SOX5: variants seen among roughly 807,000 people sequenced by gnomAD.
SOX5 encodes SRY-box transcription factor 5.
Under a neutral mutation model 92.0 loss-of-function variants are expected in SOX5, and 9 were observed. The ratio of observed to expected loss-of-function variants is 0.10; its 90% CI spans 0.06 to 0.17. The LOEUF is 0.17. SOX5 is among the 10% of genes least tolerant of loss of function. The pLI is 1.00. For missense variants in SOX5, 642 were observed against 944.5 expected, an observed-to-expected ratio of 0.68 and a Z score of 4.20; for synonymous variants, 344 against 336.3, an observed-to-expected ratio of 1.02 and a Z score of -0.25.
At chr12:23,729,619 C>A (rs896733788) in intron 6 of SOX5, among the ~76,000 whole-genome samples, 42 of 152,122 alleles carry the variant, frequency 2.8e-4, no homozygotes, top group African/African-American at 9.2e-4. Context: ...AATACTAATT[C>A]TTTGCTTGCA....
At chr12:23,812,602 A>C (rs2095896908) in intron 3 of SOX5, among the ~76,000 whole-genome samples, 1 of 152,182 alleles carries the variant, frequency 6.6e-6, no homozygotes, top group African/African-American at 2.4e-5. Flanking sequence ...GGCCAAACCA[A>C]CCAGGAGAAT....
At chr12:23,625,028 A>C (rs1279806445) in intron 8 of SOX5, among the ~76,000 whole-genome samples, 2 of 146,032 alleles carry the variant, frequency 1.4e-5, no homozygotes, top group Admixed American at 6.8e-5. Flanking sequence ...GCGTATAAAG[A>C]ATGAATAGCA....
intron 1 of SOX5, among the ~76,000 whole-genome samples, chr12:24,473,423 A>T (rs898600995): frequency 6.6e-6 from 1 of 152,226 alleles, no homozygotes; most frequent in African/African-American, 2.4e-5. Context: ...GCCAGCTCTC[A>T]TGCCACTTGT....
At chr12:24,350,597 GC>G (rs1330269270) in intron 2 of SOX5, among the ~76,000 whole-genome samples, 3 of 152,108 alleles carry the variant, frequency 2.0e-5, no homozygotes, top group African/African-American at 7.2e-5. Flanking sequence ...TCCTGCTTTG[GC>G]CTCCCTTAGT....
At chr12:24,188,124 T>C (rs1374467793) in intron 4 of SOX5, among the ~76,000 whole-genome samples, 1 of 152,096 alleles carries the variant, frequency 6.6e-6, no homozygotes, top group East Asian at 1.9e-4. Flanking sequence ...AAGCTGGGAG[T>C]GAACAAAGTC....
At chr12:23,918,841 C>T (rs1387881328) in intron 1 of SOX5, among the ~76,000 whole-genome samples, 1 of 151,370 alleles carries the variant, frequency 6.6e-6, no homozygotes, top group African/African-American at 2.4e-5. Flanking sequence ...CACTGGAACC[C>T]GGGAGGTGGA....
chr12:23,989,909 T>G (rs1950404087), intron 4 of SOX5, among the ~76,000 whole-genome samples: 1 of 152,064 alleles, frequency 6.6e-6, no homozygotes, highest in South Asian at 2.1e-4. Flanking sequence ...TAAAATACAA[T>G]CAGAAGTACC....
At chr12:24,062,795 C>T (rs1939985907) in intron 4 of SOX5, among the ~76,000 whole-genome samples, 1 of 152,218 alleles carries the variant, frequency 6.6e-6, no homozygotes, top group African/African-American at 2.4e-5. Flanking sequence ...AGATGGGATG[C>T]TGCCAATCTT....
At chr12:23,683,679 T>C (rs1034297602) in intron 6 of SOX5, among the ~76,000 whole-genome samples, 23 of 151,978 alleles carry the variant, frequency 1.5e-4, no homozygotes, top group African/African-American at 5.6e-4. Flanking sequence ...TACACATTGA[T>C]CAGCAATAGA....
Position 23,627,386 on chromosome 12 carries a change from C to T in SOX5, c.1017+13426G>A, listed in dbSNP as rs530414740. ...GACTTGGCTTCCAAAGGTGTTCAAC[C>T]GAAACTTGAATTAAGATGAATTTCT... is the stretch of plus-strand genomic sequence containing the variant. On this transcript the variant is annotated intron_variant, in intron 8 of 14. Transcript: ENST00000451604. Among the ~76,000 whole-genome samples, 8 of 152,120 alleles carry T rather than the reference C, an allele frequency of 5.3e-5. 1 individual carries two copies. In the South Asian group the frequency reaches 1.2e-3, roughly 24 times the overall value.
chr12:24,510,016 T>A (rs1949160065), intron 1 of SOX5, among the ~76,000 whole-genome samples: 1 of 152,230 alleles, frequency 6.6e-6, no homozygotes, highest in Non-Finnish European at 1.5e-5. Flanking sequence ...TAATCTGTAT[T>A]AAGGGCTTCA....
At chr12:24,310,366 G>A (rs1488053057) in intron 2 of SOX5, among the ~76,000 whole-genome samples, 1 of 152,096 alleles carries the variant, frequency 6.6e-6, no homozygotes, top group African/African-American at 2.4e-5. Flanking sequence ...CCTAAACCAT[G>A]TCATTATTCC....
At chr12:23,581,592 C>T (rs1329640735) in intron 9 of SOX5, among the ~76,000 whole-genome samples, 1 of 152,036 alleles carries the variant, frequency 6.6e-6, no homozygotes, top group Non-Finnish European at 1.5e-5. Flanking sequence ...TCCATACATT[C>T]ATCCATATCT....
At chr12:24,465,049 G>A (rs541458192) in intron 1 of SOX5, among the ~76,000 whole-genome samples, 25 of 152,320 alleles carry the variant, frequency 1.6e-4, no homozygotes, top group South Asian at 1.0e-3. Flanking sequence ...TGACAATGAT[G>A]TTATCTACCA....
At chr12:24,320,871 A>AAAAAAT (rs1212859434) in intron 2 of SOX5, among the ~76,000 whole-genome samples, 11 of 148,224 alleles carry the variant, frequency 7.4e-5, no homozygotes, top group Admixed American at 2.7e-4. Context: ...TCTCAAAAAA[A>AAAAAAT]AATAATAATA....
rs118067475 is a variant in SOX5, at chr12:24,132,302, C to T, written c.-2+81041G>A. ...GTGTGCAACTGGTAAGTAAATCATT[C>T]GAACACCCTGGGAAGAGCAAAGCTT... is the stretch of plus-strand genomic sequence containing the variant. On this transcript the variant is annotated intron_variant, in intron 4 of 4. Coordinates refer to the SOX5 transcript ENST00000446891. Among the ~76,000 whole-genome samples the T allele has an allele frequency of 5.9e-3, 901 of 152,230 alleles. 8 individuals carry two copies. The highest frequency in any genetic ancestry group is 0.033 in the South Asian group (157 of 4,824).
chr12:24,200,165 A>G (rs1957378842), intron 4 of SOX5, among the ~76,000 whole-genome samples: 1 of 152,214 alleles, frequency 6.6e-6, no homozygotes, highest in African/African-American at 2.4e-5. Flanking sequence ...TAGTGAAAAG[A>G]AAACTGGGCT....
intron 4 of SOX5, among the ~76,000 whole-genome samples, chr12:23,985,865 C>T (rs1016424784): frequency 3.9e-5 from 6 of 152,042 alleles, no homozygotes; most frequent in Non-Finnish European, 8.8e-5. Context: ...GGGAAGAATT[C>T]ATTTTCTTGC....
intron 3 of SOX5, among the ~76,000 whole-genome samples, chr12:24,217,658 A>T (rs1220840878): frequency 2.0e-5 from 3 of 152,200 alleles, no homozygotes; most frequent in African/African-American, 7.2e-5. Flanking sequence ...CATGAAAATT[A>T]AAAACATTTC....
Sources: gnomAD v4.1 joint callset for allele counts (sites outside exome capture counted in the v4.1 genomes callset) on GRCh38, gnomAD v4.1.1 for gene constraint, MANE v1.5 for transcripts, NCBI Gene and HGNC (gene_info 2026-07-23, HGNC 2026-07-21) for gene names.